PRDM16: variants seen among roughly 807,000 people sequenced by gnomAD.
PRDM16 encodes histone-lysine N-methyltransferase PRDM16.
A neutral mutation model predicts 110.6 loss-of-function variants in PRDM16; 23 were observed. That is an observed-to-expected ratio of 0.21 (90% CI 0.15 to 0.29). PRDM16 has a LOEUF of 0.29. PRDM16 is among the 10% of genes least tolerant of loss of function. PRDM16 has a pLI of 1.00. For synonymous variants in PRDM16, 799 were observed against 781.8 expected (o/e 1.02, Z -0.37); for missense variants, 1,615 against 1,794.3 (o/e 0.90, Z 1.81).
At chr1:3,088,353 T>C (rs575912001) in intron 1 of PRDM16, among the ~76,000 whole-genome samples, 1 of 152,190 alleles carries the variant, frequency 6.6e-6, no homozygotes, top group South Asian at 2.1e-4. Context: ...ATCAGGGAGC[T>C]GGGGCTCAAG....
intron 1 of PRDM16, among the ~76,000 whole-genome samples, chr1:3,152,803 T>A (rs982890607): frequency 2.6e-5 from 4 of 152,214 alleles, no homozygotes; most frequent in Non-Finnish European, 5.9e-5. Context: ...GGCCATGGCC[T>A]GAGCCCCAGG....
At chr1:3,153,835 A>G (rs1268193077) in intron 1 of PRDM16, among the ~76,000 whole-genome samples, 2 of 152,266 alleles carry the variant, frequency 1.3e-5, no homozygotes, top group African/African-American at 4.8e-5. Flanking sequence ...CACAGTTTCT[A>G]TAACCAGTAA....
intron 1 of PRDM16, among the ~76,000 whole-genome samples, chr1:3,160,160 A>G (rs1018817453): frequency 8.5e-5 from 13 of 152,324 alleles, no homozygotes; most frequent in Non-Finnish European, 1.6e-4. Flanking sequence ...TGGCACACAG[A>G]GCTGGGTGGG....
chr1:3,096,569 C>T (rs925697006), intron 1 of PRDM16, among the ~76,000 whole-genome samples: 49 of 152,196 alleles, frequency 3.2e-4, no homozygotes, highest in African/African-American at 1.2e-3. Context: ...CCTCTTTTGC[C>T]GGCTGGGGCA....
In PRDM16 at chr1:3,257,285, C is replaced by T. The variant is rs538344712; in HGVS notation, c.438+13148C>T. 7.6e-4 allele frequency among the ~76,000 whole-genome samples: 116 copies of T among 152,290 alleles called. 5 individuals are homozygous for T. The South Asian group carries it at 0.022, about 28-fold the overall frequency. ...TTTCTGGCTCTCTGCCTTCCAGGAA[C>T]GAGGTAGGATGAGACTCTCTGCCCA... is the stretch of plus-strand genomic sequence containing the variant. On this transcript the variant is annotated intron_variant, in intron 3 of 16. Transcript: ENST00000270722.
In PRDM16 at chr1:3,186,186, C is replaced by T. The variant is rs754219394; in HGVS notation, c.99C>T (p.Ser33=). The change falls in exon 2 of 17, where the codon AGC becomes AGT. Residue 33 remains serine, a synonymous_variant. Transcript: ENST00000270722. ...ACCGGGACCTGCTGGCCAGCCACAG[C>T]GCGGAGGACGAGGCCGAGGACAGTG... ...EPNRDLLASH[S]AEDEAEDSAM... The T allele has an allele frequency of 2.1e-5, 34 of 1,612,766 alleles. No individual in the cohort carries two copies. The highest frequency in any genetic ancestry group is 1.1e-4 in the East Asian group (5 of 44,894).
chr1:3,107,158 G>A (rs1369318144), intron 1 of PRDM16, among the ~76,000 whole-genome samples: 1 of 152,238 alleles, frequency 6.6e-6, no homozygotes, highest in Non-Finnish European at 1.5e-5. Context: ...GGCCCAGGAA[G>A]CAGGGCTGCC....
chr1:3,277,764 C>T (rs910774332), intron 3 of PRDM16, among the ~76,000 whole-genome samples: 26 of 143,038 alleles, frequency 1.8e-4, no homozygotes, highest in East Asian at 1.9e-4. Flanking sequence ...CATGCACACA[C>T]GCGCACACAC....
chr1:3,387,969 C>T (rs551336859), intron 4 of PRDM16, among the ~76,000 whole-genome samples: 17 of 152,274 alleles, frequency 1.1e-4, no homozygotes, highest in Admixed American at 3.9e-4. Flanking sequence ...CTGTGACGGC[C>T]GCACGGCCTC....
At chr1:3,366,132 G>T (rs980653035) in intron 3 of PRDM16, among the ~76,000 whole-genome samples, 1 of 152,230 alleles carries the variant, frequency 6.6e-6, no homozygotes, top group Non-Finnish European at 1.5e-5. Context: ...TGTGGCTCAG[G>T]GGGGCTCTAG....
intron 1 of PRDM16, among the ~76,000 whole-genome samples, chr1:3,078,241 C>T (rs1004884498): frequency 1.3e-5 from 2 of 152,126 alleles, no homozygotes; most frequent in Non-Finnish European, 2.9e-5. Context: ...GGGCAGAGGA[C>T]CTCTCCAGCT....
intron 2 of PRDM16, among the ~76,000 whole-genome samples, chr1:3,200,545 T>C (rs946995984): frequency 5.3e-5 from 8 of 152,212 alleles, no homozygotes; most frequent in Non-Finnish European, 1.0e-4. Context: ...GGTTTCACCG[T>C]GTTAGCCAGG....
chr1:3,332,224 T>C (rs1642055387), intron 3 of PRDM16, among the ~76,000 whole-genome samples: 1 of 152,262 alleles, frequency 6.6e-6, no homozygotes, highest in Non-Finnish European at 1.5e-5. Flanking sequence ...GAAGTGGTAA[T>C]GAGATTCTGC....
chr1:3,362,341 G>A (rs998980944), intron 3 of PRDM16, among the ~76,000 whole-genome samples: 1 of 152,254 alleles, frequency 6.6e-6, no homozygotes, highest in Non-Finnish European at 1.5e-5. Context: ...GGACACCCAG[G>A]CGTCCTTCCA....
At chr1:3,270,625 G>T (rs75007320) in intron 3 of PRDM16, among the ~76,000 whole-genome samples, 5,471 of 132,142 alleles carry the variant, frequency 0.041, 196 homozygotes, top group African/African-American at 0.13. Context: ...CCTGGATGAG[G>T]ACAGTTGGGT....
At chr1:3,125,260 C>T (rs544797443) in intron 1 of PRDM16, among the ~76,000 whole-genome samples, 4 of 152,378 alleles carry the variant, frequency 2.6e-5, no homozygotes, top group African/African-American at 7.2e-5. Flanking sequence ...GCTTTCTTAG[C>T]GGACGGCCCA....
intron 3 of PRDM16, among the ~76,000 whole-genome samples, chr1:3,380,297 ACCT>A (rs1356115237): frequency 1.4e-4 from 21 of 151,282 alleles, no homozygotes; most frequent in Non-Finnish European, 2.8e-4. Flanking sequence ...GTTAACCAAG[ACCT>A]CCTCAGTCAC....
At chr1:3,418,797 C>A in intron 12 of PRDM16, 53 bp downstream of exon 12, 1 of 1,330,420 alleles carries the variant, frequency 7.5e-7, no homozygotes, top group Admixed American at 1.7e-5. Context: ...CTCCGTGCAC[C>A]GCTGACCCAC....
intron 1 of PRDM16, among the ~76,000 whole-genome samples, chr1:3,181,703 C>G (rs200928795): frequency 1.1e-5 from 1 of 87,636 alleles, no homozygotes; most frequent in African/African-American, 4.2e-5. Flanking sequence ...GTCTTACACA[C>G]GGTCTTACAC....
Sources: gnomAD v4.1 joint callset for allele counts (sites outside exome capture counted in the v4.1 genomes callset) on GRCh38, gnomAD v4.1.1 for gene constraint, MANE v1.5 for transcripts, NCBI Gene and HGNC (gene_info 2026-07-23, HGNC 2026-07-21) for gene names.